Variants in RAD9B observed in about 807,000 individuals in gnomAD.
The protein encoded by RAD9B is cell cycle checkpoint control protein RAD9B.
A neutral mutation model predicts 48.3 loss-of-function variants in RAD9B; 41 were observed. The ratio of observed to expected loss-of-function variants is 0.85; its 90% CI spans 0.66 to 1.10. The LOEUF (loss-of-function observed/expected upper bound fraction) is 1.10. RAD9B is among the 50% of genes least tolerant of loss of function. The pLI is 0.00. For synonymous variants in RAD9B, 160 were observed against 157.9 expected, an observed-to-expected ratio of 1.01 and a Z score of -0.10; for missense variants, 444 against 485.1, an observed-to-expected ratio of 0.92 and a Z score of 0.80.
chr12:110,531,109 C>CT lies in RAD9B; in HGVS notation c.*462dup, dbSNP rs1023083428. ...TAGTTTTCTCATGTAATACCATGGC[C>CT]TTTTTTGTGCATTGTTTTTTATATT... On this transcript the variant is annotated 3_prime_UTR_variant, in exon 11 of 11. Transcript: ENST00000409300. 2.0e-6 allele frequency: 2 copies of CT among 993,728 alleles called. No homozygotes were observed. The highest frequency in any genetic ancestry group is 2.4e-6 in the Non-Finnish European group (2 of 835,134). 61.6% of individuals were successfully genotyped at this position (993,728 alleles called of 1,614,324 possible).
At position 110,533,077 on chromosome 12, in the gene RAD9B, G is replaced by A. The variant is rs1208720913; in HGVS notation, c.*2424G>A. ...TCCATTTTGATGAATTTCTGAGGAA[G>A]CTAAACTGATGTAGTGAAGCAGCTG... On this transcript the variant is annotated 3_prime_UTR_variant, in exon 11 of 11. Transcript: ENST00000409300. 6.6e-6 allele frequency among the ~76,000 whole-genome samples: 1 copy of A among 152,192 alleles called. No homozygotes were observed. Among genetic ancestry groups the A allele is most frequent in the Non-Finnish European group, 1.5e-5 (1 of 68,038 alleles).
At position 110,505,778 on chromosome 12, in the gene RAD9B, T is replaced by C. The variant is rs2063245106; in HGVS notation, c.273+6T>C. 6.2e-7 allele frequency: 1 copy of C among 1,610,440 alleles called. No homozygotes were observed. Reference sequence around the variant, plus strand: ...AATGCAAATTGGGAATGAAGGTAAATATAAGTGGCCCTGGTTTTCTCTTAT... The same window carrying C: ...AATGCAAATTGGGAATGAAGGTAAACATAAGTGGCCCTGGTTTTCTCTTAT... On this transcript the variant is annotated splice_donor_region_variant and intron_variant, in intron 3 of 10. Transcript: ENST00000409300.
In RAD9B at chr12:110,512,781, A is replaced by G. The variant is rs766276518; in HGVS notation, c.391A>G (p.Ile131Val). 12 of 1,270,422 alleles carry G rather than the reference A, an allele frequency of 9.4e-6. No individual in the cohort carries two copies. The African/African-American group carries it at 1.6e-4, about 17-fold the overall frequency. 78.7% of individuals were successfully genotyped at this position (1,270,422 alleles called of 1,614,324 possible). A position where few individuals can be genotyped will look rare whatever the true frequency, so the allele number is the denominator to read the frequency against. ...GAGGTGGCTTTATTCTTTTTAAGGT[A>G]TTAAAAGAACTCATAATATATGTTT... ...VVIQFFYRHG[I>V]KRTHNICFQE... The change falls in exon 5 of 11, where the codon ATT becomes GTT. Residue 131 changes from isoleucine to valine, a missense_variant and splice_region_variant. Ile to Val is a conservative substitution (Grantham distance 29). Coordinates refer to ENST00000409300, the MANE Select transcript of RAD9B (RefSeq NM_001286535.2).
intron 9 of RAD9B, 90 bp downstream of exon 9, chr12:110,520,006 AT>A: frequency 7.2e-7 from 1 of 1,396,034 alleles, no homozygotes; most frequent in Non-Finnish European, 9.8e-7. Flanking sequence ...TTAGGAAACA[AT>A]TGAGGAGTGA....
At chr12:110,520,741 C>G (rs775002365) in intron 9 of RAD9B, among the ~76,000 whole-genome samples, 1 of 149,072 alleles carries the variant, frequency 6.7e-6, no homozygotes, top group Admixed American at 6.7e-5. Flanking sequence ...ACCTCCACCC[C>G]CTGGGTTCAA....
At chr12:110,515,658 C>G in intron 6 of RAD9B, among the ~76,000 whole-genome samples, 1 of 151,890 alleles carries the variant, frequency 6.6e-6, no homozygotes, top group South Asian at 2.1e-4. Context: ...GACTCTGTCT[C>G]AAATAAAAGA....
chr12:110,518,848 G>C, intron 7 of RAD9B, 26 bp from the exon 8 acceptor site: 1 of 1,580,536 alleles, frequency 6.3e-7, no homozygotes. Context: ...AGGATTTTAA[G>C]TTTTTTTCTT....
At chr12:110,508,053 AT>A (rs1475146242) in intron 4 of RAD9B, 98 of 169,048 alleles carry the variant, frequency 5.8e-4, no homozygotes. Context: ...ATTTAACATT[AT>A]TTTTTCCTTC....
At chr12:110,519,402 CCTA>C (rs2063704276) in intron 8 of RAD9B, among the ~76,000 whole-genome samples, 2 of 149,524 alleles carry the variant, frequency 1.3e-5, no homozygotes, top group South Asian at 2.1e-4. Context: ...TAGCACCCGG[CCTA>C]CTGTTTGTTG....
Position 110,531,379 on chromosome 12 carries a change from A to T in RAD9B, c.*726A>T, listed in dbSNP as rs2064132214. 2.2e-6 allele frequency: 1 copy of T among 465,040 alleles called. No individual in the cohort carries two copies. The highest frequency in any genetic ancestry group is 2.1e-5 in the African/African-American group (1 of 48,760). 28.8% of individuals were successfully genotyped at this position (465,040 alleles called of 1,614,324 possible). On this transcript the variant is annotated 3_prime_UTR_variant, in exon 11 of 11. Transcript: ENST00000409300. ...GGCTAATTTCTGGTATTTTGTAGAG[A>T]CAGGGTTTCGCCATGTTGGCCAGGG...
chr12:110,511,934 C>T (rs1320809745), intron 4 of RAD9B, among the ~76,000 whole-genome samples: 2 of 151,964 alleles, frequency 1.3e-5, no homozygotes. Flanking sequence ...GCAACCTCCA[C>T]CTCCTGGGTT....
intron 5 of RAD9B, 109 bp from the exon 6 acceptor site, chr12:110,514,941 G>A: frequency 1.5e-6 from 1 of 664,204 alleles, no homozygotes; most frequent in Non-Finnish European, 2.4e-6. Flanking sequence ...TCTAAACCCA[G>A]GCCAAGTAAT....
chr12:110,522,254 C>A lies in RAD9B; in HGVS notation c.968C>A (p.Pro323Gln). The change falls in exon 10 of 11, where the codon CCA becomes CAA. Residue 323 changes from proline (P) to glutamine (Q), a missense_variant. Physicochemically the swap from Pro to Gln is moderately conservative, Grantham distance 76. Coordinates refer to ENST00000409300, the MANE Select transcript of RAD9B (RefSeq NM_001286535.2). Reference protein sequence around the residue: ...ALECISKKAAPRRLYPKETLT... With the variant: ...ALECISKKAAQRRLYPKETLT... ...GAATGTATTTCAAAAAAAGCAGCAC[C>A]AAGAAGGCTTTATCCTAAGGAGACT... The A allele has an allele frequency of 6.2e-7, 1 of 1,611,898 alleles. No homozygotes were observed. Among genetic ancestry groups the A allele is most frequent in the Middle Eastern group, 1.6e-4 (1 of 6,062 alleles).
Position 110,512,813 on chromosome 12 carries a change from A to G in RAD9B, c.423A>G (p.Glu141=). 6.6e-7 allele frequency: 1 copy of G among 1,505,296 alleles called. No individual in the cohort carries two copies. The highest frequency in any genetic ancestry group is 9.1e-7 in the Non-Finnish European group (1 of 1,099,498). The allele number at this position is 1,505,296 out of a possible 1,614,324, so 93.2% of individuals were successfully genotyped here. Residue 141 remains glutamate, a synonymous_variant, in exon 5 of 11, where the codon GAA becomes GAG. Transcript: ENST00000409300. ...IKRTHNICFQ[E]SQPLQVIFDK... ...GAACTCATAATATATGTTTTCAAGA[A>G]AGTCAGCCTTTGCAAGTTATTTTTG...
chr12:110,528,615 C>CA (rs1189667453), intron 10 of RAD9B, among the ~76,000 whole-genome samples: 1 of 152,194 alleles, frequency 6.6e-6, no homozygotes, highest in Non-Finnish European at 1.5e-5. Flanking sequence ...AGAAAGATGT[C>CA]AGAGTGAATA....
In RAD9B at chr12:110,532,905, T is replaced by C. The variant is rs1328161600; in HGVS notation, c.*2252T>C. Among the ~76,000 whole-genome samples the C allele has an allele frequency of 6.6e-6, 1 of 152,204 alleles. No individual in the cohort carries two copies. Among genetic ancestry groups the C allele is most frequent in the Non-Finnish European group, 1.5e-5 (1 of 68,042 alleles). ...CTTGTGTCAGTACACAATGATGAAA[T>C]TGCTAAGGATGCATCTGTCAGAACA... On this transcript the variant is annotated 3_prime_UTR_variant, in exon 11 of 11. Coordinates refer to ENST00000409300, the MANE Select transcript of RAD9B (RefSeq NM_001286535.2).
chr12:110,506,458 G>A, intron 3 of RAD9B, 121 bp from the exon 4 acceptor site: 1 of 587,150 alleles, frequency 1.7e-6, no homozygotes. Context: ...AAAGTGCTGG[G>A]ATTACAGGCG....
chr12:110,519,800 G>T lies in RAD9B; in HGVS notation c.774G>T (p.Leu258=). 1 of 1,607,438 alleles carries T rather than the reference G, an allele frequency of 6.2e-7. No homozygotes were observed. Among genetic ancestry groups the T allele is most frequent in the Non-Finnish European group, 8.5e-7 (1 of 1,177,942 alleles). Reference sequence around the variant, plus strand: ...TCTGACTTGGCTTTTTTAGACCTCTGGCTTTGAGTATTGATGATATGTTAG... The same window carrying T: ...TCTGACTTGGCTTTTTTAGACCTCTTGCTTTGAGTATTGATGATATGTTAG... ...SIYFDFPGKP[L]ALSIDDMLVE... is the part of the protein sequence containing the mutation. The change falls in exon 9 of 11, where the codon CTG becomes CTT. Residue 258 remains leucine (L), a synonymous_variant. Coordinates refer to ENST00000409300, the MANE Select transcript of RAD9B (RefSeq NM_001286535.2).
intron 8 of RAD9B, among the ~76,000 whole-genome samples, 160 bp downstream of exon 8, chr12:110,519,098 T>A (rs988903739): frequency 2.0e-4 from 30 of 152,168 alleles, no homozygotes; most frequent in African/African-American, 7.0e-4. Flanking sequence ...AACATGGCAT[T>A]TAAAATTTTC....
Sources: allele counts gnomAD v4.1 joint callset (sites outside exome capture counted in the v4.1 genomes callset), GRCh38; gene constraint gnomAD v4.1.1; transcripts MANE v1.5; gene names NCBI Gene and HGNC (gene_info 2026-07-23, HGNC 2026-07-21).